Variants in SLC24A2 observed in about 807,000 individuals in gnomAD.
SLC24A2 encodes solute carrier family 24 member 2.
Under a neutral mutation model 62.0 loss-of-function variants are expected in SLC24A2, and 36 were observed. That is an observed-to-expected ratio of 0.58 (90% CI 0.44 to 0.77). The LOEUF (loss-of-function observed/expected upper bound fraction) is 0.77. SLC24A2 is among the 30% of genes least tolerant of loss of function. SLC24A2 has a pLI of 0.00. For missense variants in SLC24A2, 846 were observed against 817.9 expected (o/e 1.03, Z -0.42); for synonymous variants, 358 against 294.0 (o/e 1.22, Z -2.23).
chr9:20,261,547 C>T, the SLC24A2 span, among the ~76,000 whole-genome samples: 1 of 152,248 alleles, frequency 6.6e-6, no homozygotes, highest in East Asian at 1.9e-4. Flanking sequence ...ACCCAATCAC[C>T]ACCTGGTAGG....
At chr9:19,770,564 C>A (rs1023212837) in intron 2 of SLC24A2, among the ~76,000 whole-genome samples, 2 of 152,138 alleles carry the variant, frequency 1.3e-5, no homozygotes, top group Non-Finnish European at 2.9e-5. Context: ...TATTACCTTA[C>A]TAACTATCAT....
At chr9:20,264,255 T>G in the SLC24A2 span, among the ~76,000 whole-genome samples, 3 of 152,194 alleles carry the variant, frequency 2.0e-5, no homozygotes, top group Non-Finnish European at 4.4e-5. Flanking sequence ...AGCATAAGTA[T>G]CTACTTCACA....
At chr9:19,977,319 TACTC>T in the SLC24A2 span, among the ~76,000 whole-genome samples, 1 of 152,082 alleles carries the variant, frequency 6.6e-6, no homozygotes, top group Non-Finnish European at 1.5e-5. Context: ...TTCAATGAAA[TACTC>T]ACAACTGAAG....
chr9:19,836,440 C>A, the SLC24A2 span, among the ~76,000 whole-genome samples: 1 of 152,166 alleles, frequency 6.6e-6, no homozygotes. Context: ...TCAGAGAATA[C>A]TACAAACACC....
chr9:20,138,679 A>G, the SLC24A2 span, among the ~76,000 whole-genome samples: 2 of 152,152 alleles, frequency 1.3e-5, no homozygotes, highest in Admixed American at 6.5e-5. Flanking sequence ...CTCCTTGCTC[A>G]TGTAGGAGCT....
the SLC24A2 span, among the ~76,000 whole-genome samples, chr9:20,023,180 T>A: frequency 6.6e-6 from 1 of 152,194 alleles, no homozygotes; most frequent in Non-Finnish European, 1.5e-5. Flanking sequence ...TAGATGTGAG[T>A]GAGTACATGG....
At chr9:19,878,084 T>C in the SLC24A2 span, among the ~76,000 whole-genome samples, 1 of 152,110 alleles carries the variant, frequency 6.6e-6, no homozygotes, top group Non-Finnish European at 1.5e-5. Context: ...GCTCGATAGA[T>C]CCAGAGTGCT....
the SLC24A2 span, among the ~76,000 whole-genome samples, chr9:20,235,433 G>A: frequency 6.6e-6 from 1 of 152,176 alleles, no homozygotes; most frequent in African/African-American, 2.4e-5. Flanking sequence ...GGCAATGGCA[G>A]GTGCCCCTCC....
At chr9:19,984,913 T>A in the SLC24A2 span, among the ~76,000 whole-genome samples, 2,012 of 152,250 alleles carry the variant, frequency 0.013, 37 homozygotes, top group African/African-American at 0.041. Flanking sequence ...TGGGAACTTG[T>A]AATTTCTGTG....
intron 2 of SLC24A2, among the ~76,000 whole-genome samples, chr9:19,671,156 C>T (rs901670730): frequency 9.9e-6 from 1 of 100,700 alleles, no homozygotes; most frequent in Non-Finnish European, 2.4e-5. Flanking sequence ...GTCATTTTCA[C>T]AATATTGATT....
the SLC24A2 span, among the ~76,000 whole-genome samples, chr9:20,073,244 C>A: frequency 1.3e-5 from 2 of 152,130 alleles, no homozygotes; most frequent in Non-Finnish European, 2.9e-5. Flanking sequence ...CAGATTGCAT[C>A]TTCTTCAAGC....
rs145311046 is a variant in SLC24A2 at position 19,559,807 on chromosome 9, C to G, written c.1348-9539G>C. Among the ~76,000 whole-genome samples the G allele has an allele frequency of 1.8e-4, 27 of 152,292 alleles. No individual in the cohort carries two copies. In the East Asian group the frequency reaches 5.0e-3, roughly 28 times the overall value. ...TAAGTTATTCTCACCTCCATTGTTT[C>G]CTAAACATATTGCCTAATTAGTGGG... On this transcript the variant is annotated intron_variant, in intron 7 of 10. Transcript: ENST00000341998.
the SLC24A2 span, among the ~76,000 whole-genome samples, chr9:20,265,749 G>T: frequency 7.1e-6 from 1 of 140,976 alleles, no homozygotes; most frequent in African/African-American, 2.7e-5. Context: ...GGCCGCCGGT[G>T]AGCCAGGTGG....
chr9:19,717,754 C>T (rs1372045632), intron 2 of SLC24A2, among the ~76,000 whole-genome samples: 1 of 152,048 alleles, frequency 6.6e-6, no homozygotes, highest in East Asian at 1.9e-4. Context: ...TACACCTTCT[C>T]CTCTTTTTGC....
rs1319913805 is a variant in SLC24A2 at position 19,611,917 on chromosome 9, ACTG to A, written c.1078+7664_1078+7666del. Among the ~76,000 whole-genome samples, 4 of 152,204 alleles carry A rather than the reference ACTG, an allele frequency of 2.6e-5. No individual in the cohort carries two copies. In the East Asian group the frequency reaches 7.7e-4, roughly 29 times the overall value. The stretch of plus-strand genomic sequence containing the variant: ...CTGAGAAGCATGACACTTGTGAGGA[ACTG>A]CTGATGAGAGGTGGGGGGAACAGAG... On this transcript the variant is annotated intron_variant, in intron 4 of 10. Transcript: ENST00000341998.
At chr9:20,267,606 G>A in the SLC24A2 span, among the ~76,000 whole-genome samples, 1 of 152,148 alleles carries the variant, frequency 6.6e-6, no homozygotes, top group South Asian at 2.1e-4. Context: ...ACCTTTTCAT[G>A]GGCTCTGATA....
chr9:20,286,228 T>C, the SLC24A2 span, among the ~76,000 whole-genome samples: 42 of 152,272 alleles, frequency 2.8e-4, no homozygotes, highest in Non-Finnish European at 1.5e-5. Context: ...TAATAGAAAA[T>C]CCAAGCTACC....
chr9:19,964,620 T>A, the SLC24A2 span, among the ~76,000 whole-genome samples: 3 of 152,202 alleles, frequency 2.0e-5, no homozygotes, highest in Admixed American at 2.0e-4. Context: ...TTGGTTGGAC[T>A]GAACTGCCTT....
chr9:20,159,831 T>C, the SLC24A2 span, among the ~76,000 whole-genome samples: 1 of 151,442 alleles, frequency 6.6e-6, no homozygotes, highest in Non-Finnish European at 1.5e-5. Context: ...ATTTGATAAA[T>C]ACCAAAATAA....
Sources: gnomAD v4.1 joint callset for allele counts (sites outside exome capture counted in the v4.1 genomes callset) on GRCh38, gnomAD v4.1.1 for gene constraint, MANE v1.5 for transcripts, NCBI Gene and HGNC (gene_info 2026-07-23, HGNC 2026-07-21) for gene names.